UMAD1: variants seen among roughly 807,000 people sequenced by gnomAD.
The protein encoded by UMAD1 is UBAP1-MVB12-associated (UMA) domain containing 1.
In UMAD1, 8 loss-of-function variants were observed where a neutral mutation model predicts 6.1. The ratio of observed to expected loss-of-function variants is 1.30; its 90% CI spans 0.76 to 2.35. UMAD1 has a LOEUF of 2.35. Among genes scored for constraint, UMAD1 ranks in the 30% most tolerant of loss-of-function variants. The pLI, the probability that UMAD1 is intolerant of heterozygous loss-of-function variation, is 0.00. For missense variants in UMAD1, 130 were observed against 78.4 expected (o/e 1.66, Z -2.49); for synonymous variants, 56 against 31.4 (o/e 1.78, Z -2.61).
At chr7:7,662,598 T>G (rs538580872) in intron 1 of UMAD1, among the ~76,000 whole-genome samples, 3 of 152,194 alleles carry the variant, frequency 2.0e-5, no homozygotes, top group African/African-American at 7.2e-5. Context: ...GCCTCCTGGG[T>G]GAGGCGACAC....
rs186164271 is a variant in UMAD1, at chr7:7,668,906, C to T, written c.-63-4403C>T. On this transcript the variant is annotated intron_variant, in intron 1 of 3. Coordinates refer to ENST00000682710, the MANE Select transcript of UMAD1 (RefSeq NM_001302348.2). Reference sequence around the variant, plus strand: ...CAGGAAACCACTCTATTGCAGGGCACTCACACACCCACCCACACTCACTCA... The same window carrying T: ...CAGGAAACCACTCTATTGCAGGGCATTCACACACCCACCCACACTCACTCA... 2.2e-3 allele frequency among the ~76,000 whole-genome samples: 342 copies of T among 152,296 alleles called. 2 individuals carry two copies. Among genetic ancestry groups the T allele is most frequent in the Non-Finnish European group, 2.6e-3 (179 of 68,036 alleles).
At chr7:7,659,155 C>T (rs1785414316) in intron 1 of UMAD1, among the ~76,000 whole-genome samples, 3 of 152,092 alleles carry the variant, frequency 2.0e-5, no homozygotes, top group Admixed American at 6.6e-5. Flanking sequence ...GTGATATCCC[C>T]TTTATCATTT....
chr7:7,691,421 A>G (rs775194844), intron 2 of UMAD1, among the ~76,000 whole-genome samples: 105 of 152,244 alleles, frequency 6.9e-4, no homozygotes, highest in Non-Finnish European at 1.2e-3. Flanking sequence ...ACATAATTTC[A>G]TCTAAAATGA....
At chr7:7,659,863 T>C (rs571171210) in intron 1 of UMAD1, among the ~76,000 whole-genome samples, 2 of 152,254 alleles carry the variant, frequency 1.3e-5, no homozygotes, top group South Asian at 4.1e-4. Context: ...CCTTGTTAAT[T>C]TTCTGTCTCG....
chr7:7,718,796 C>A lies in UMAD1; in HGVS notation c.82+45343C>A, dbSNP rs28912671. Reference sequence around the variant, plus strand: ...CTTTTTTCTTTCTGACTCTCAGAAGCAATACCAGCATTAGCTTTATTTAAC... The same window carrying A: ...CTTTTTTCTTTCTGACTCTCAGAAGAAATACCAGCATTAGCTTTATTTAAC... On this transcript the variant is annotated intron_variant, in intron 2 of 3. Transcript: ENST00000682710. 9.2e-5 allele frequency among the ~76,000 whole-genome samples: 14 copies of A among 152,208 alleles called. No individual in the cohort carries two copies. The East Asian group carries it at 2.7e-3, about 29-fold the overall frequency.
chr7:7,795,744 C>T (rs186458421), intron 2 of UMAD1, among the ~76,000 whole-genome samples: 49 of 152,192 alleles, frequency 3.2e-4, no homozygotes, highest in African/African-American at 9.6e-4. Flanking sequence ...ACAGTCATGA[C>T]GTTGGTGGGA....
chr7:7,741,724 C>A (rs1781471791), intron 2 of UMAD1, among the ~76,000 whole-genome samples: 1 of 151,792 alleles, frequency 6.6e-6, no homozygotes, highest in Admixed American at 6.6e-5. Flanking sequence ...ACTTAAACCA[C>A]TGATTTGCTA....
At position 7,879,218 on chromosome 7, in the gene UMAD1, G is replaced by C. The variant is rs1784481707; in HGVS notation, c.*1680G>C. ...AAATTTTTGATTATTTTCAGATCCA[G>C]AAAAATGGGTTTGATTGCATTATTT... On this transcript the variant is annotated 3_prime_UTR_variant, in exon 4 of 4. Transcript: ENST00000682710. 6.6e-6 allele frequency: 1 copy of C among 152,054 alleles called. No individual in the cohort carries two copies. Among genetic ancestry groups the C allele is most frequent in the Non-Finnish European group, 1.5e-5 (1 of 67,978 alleles). The allele number at this position is 152,054 out of a possible 1,614,324, so 9.4% of individuals were successfully genotyped here.
At chr7:7,844,967 C>G (rs1278537217) in intron 3 of UMAD1, among the ~76,000 whole-genome samples, 3 of 151,964 alleles carry the variant, frequency 2.0e-5, no homozygotes, top group Non-Finnish European at 4.4e-5. Flanking sequence ...GAATCCCCAC[C>G]CAAGGTAAAT....
At chr7:7,797,281 T>G (rs1226071674) in intron 2 of UMAD1, among the ~76,000 whole-genome samples, 1 of 152,212 alleles carries the variant, frequency 6.6e-6, no homozygotes, top group African/African-American at 2.4e-5. Flanking sequence ...TCTGTCCCCA[T>G]GACCCAAACA....
At chr7:7,856,665 G>C (rs776419457) in intron 3 of UMAD1, among the ~76,000 whole-genome samples, 1 of 152,072 alleles carries the variant, frequency 6.6e-6, no homozygotes, top group African/African-American at 2.4e-5. Context: ...TGAGTTGACC[G>C]TATGAGATGG....
chr7:7,694,342 A>G (rs1007199227), intron 2 of UMAD1, among the ~76,000 whole-genome samples: 11 of 152,188 alleles, frequency 7.2e-5, no homozygotes, highest in Non-Finnish European at 4.4e-5. Context: ...TGGGATATCC[A>G]TCACGTCAAG....
At position 7,699,053 on chromosome 7, in the gene UMAD1, G is replaced by T. The variant is rs4524695; in HGVS notation, c.82+25600G>T. On this transcript the variant is annotated intron_variant, in intron 2 of 3. Coordinates refer to ENST00000682710, the MANE Select transcript of UMAD1 (RefSeq NM_001302348.2). ...TATAGTTTGTGTGTGTGTGTGTGGGGGGGGGGTAGATACCAGGTTTGCTAT... is the reference window on the plus strand; with the variant it reads ...TATAGTTTGTGTGTGTGTGTGTGGGTGGGGGGTAGATACCAGGTTTGCTAT... Among the ~76,000 whole-genome samples the T allele has an allele frequency of 8.0e-3, 1,205 of 150,800 alleles. 10 individuals are homozygous for T. Among genetic ancestry groups the T allele is most frequent in the African/African-American group, 0.016 (636 of 41,018 alleles).
chr7:7,702,116 T>C (rs1440138438), intron 2 of UMAD1, among the ~76,000 whole-genome samples: 1 of 152,222 alleles, frequency 6.6e-6, no homozygotes, highest in African/African-American at 2.4e-5. Context: ...GATTACTATG[T>C]AGATGTTTTC....
chr7:7,836,171 C>CA (rs1783564755), intron 3 of UMAD1, among the ~76,000 whole-genome samples: 1 of 151,964 alleles, frequency 6.6e-6, no homozygotes, highest in Non-Finnish European at 1.5e-5. Context: ...TGCTTACTGT[C>CA]AATTTGTGTA....
chr7:7,644,652 G>T (rs1785055892), intron 1 of UMAD1, among the ~76,000 whole-genome samples: 2 of 152,148 alleles, frequency 1.3e-5, no homozygotes, highest in Admixed American at 6.5e-5. Context: ...ACCTTCACTT[G>T]TCACCTTAAG....
intron 2 of UMAD1, among the ~76,000 whole-genome samples, chr7:7,734,253 G>A (rs1465267326): frequency 1.3e-5 from 2 of 152,088 alleles, no homozygotes; most frequent in African/African-American, 4.8e-5. Context: ...GATTTTGGGT[G>A]TGCCAGGTCA....
At chr7:7,870,622 C>A (rs1323570963) in intron 3 of UMAD1, among the ~76,000 whole-genome samples, 2 of 152,208 alleles carry the variant, frequency 1.3e-5, no homozygotes, top group Non-Finnish European at 2.9e-5. Flanking sequence ...ACCACTGCTT[C>A]CATTGGCTGC....
At chr7:7,725,398 C>T (rs958026387) in intron 2 of UMAD1, among the ~76,000 whole-genome samples, 8 of 152,272 alleles carry the variant, frequency 5.3e-5, no homozygotes, top group South Asian at 2.1e-4. Context: ...CTTAATGTAT[C>T]GGTGGCAGAT....
Sources: gnomAD v4.1 joint callset for allele counts (sites outside exome capture counted in the v4.1 genomes callset) on GRCh38, gnomAD v4.1.1 for gene constraint, MANE v1.5 for transcripts, NCBI Gene and HGNC (gene_info 2026-07-23, HGNC 2026-07-21) for gene names.